The following ALG5 variants were observed in gnomAD, a reference collection of about 807,000 sequenced individuals.
ALG5 encodes the protein ALG5 dolichyl-phosphate beta-glucosyltransferase.
ALG5 carries 26 observed loss-of-function variants against 51.8 expected under a neutral mutation model. The observed-to-expected ratio is 0.50, with a 90% CI of 0.37 to 0.70. The LOEUF (loss-of-function observed/expected upper bound fraction) is 0.70. Among genes scored for constraint, ALG5 ranks in the 30% least tolerant of loss-of-function variants. The pLI is 0.00. For synonymous variants in ALG5, 141 were observed against 136.1 expected (o/e 1.04, Z -0.25); for missense variants, 311 against 399.3 (o/e 0.78, Z 1.88).
chr13:36,998,048 A>G (rs2059059660), intron 1 of ALG5, among the ~76,000 whole-genome samples: 1 of 152,220 alleles, frequency 6.6e-6, no homozygotes, highest in Admixed American at 6.5e-5. Context: ...AACATATAGT[A>G]AGTACTACAA....
intron 1 of ALG5, chr13:36,998,928 G>A (rs2059067438): frequency 6.8e-6 from 2 of 296,120 alleles, no homozygotes; most frequent in South Asian, 9.9e-5. Context: ...GAGGAGGTGG[G>A]TAGGGGGCGC....
chr13:36,965,630 A>G lies in ALG5; in HGVS notation c.718T>C (p.Leu240=), dbSNP rs199868671. ...CGTGAAGCTGCTTCTCGAGTAAATA[A>G]TTTGAACCCACACTGTGTGTCCCTG... The part of the protein sequence containing the change: ...GIRDTQCGFK[L]FTREAASRTF... Residue 240 remains leucine, a synonymous_variant, in exon 8 of 10, where the codon TTA becomes CTA. Coordinates refer to ENST00000239891, the MANE Select transcript of ALG5 (RefSeq NM_013338.5). 2.7e-5 allele frequency: 44 copies of G among 1,614,136 alleles called. No homozygotes were observed. The East Asian group carries it at 9.6e-4, about 35-fold the overall frequency.
intron 8 of ALG5, among the ~76,000 whole-genome samples, chr13:36,953,944 C>T (rs1478373193): frequency 6.6e-6 from 1 of 151,846 alleles, no homozygotes; most frequent in African/African-American, 2.4e-5. Flanking sequence ...TACTTGATAA[C>T]CTGAAAAAGA....
chr13:36,979,206 T>C (rs2058967789), intron 6 of ALG5, among the ~76,000 whole-genome samples: 1 of 151,992 alleles, frequency 6.6e-6, no homozygotes, highest in Non-Finnish European at 1.5e-5. Flanking sequence ...TTAGTAGAGA[T>C]GGGGTTTTAC....
At chr13:36,969,421 A>T (rs1014548156) in intron 7 of ALG5, among the ~76,000 whole-genome samples, 15 of 147,368 alleles carry the variant, frequency 1.0e-4, no homozygotes, top group Admixed American at 6.1e-4. Context: ...AATATATTTT[A>T]AAAAAAAAAA....
At chr13:36,996,995 G>A (rs180712499) in intron 1 of ALG5, among the ~76,000 whole-genome samples, 178 of 152,288 alleles carry the variant, frequency 1.2e-3, no homozygotes, top group African/African-American at 4.1e-3. Flanking sequence ...GAGAAAGGAA[G>A]AAGCATCACT....
chr13:36,950,230 T>TA (rs1423706697), intron 9 of ALG5, among the ~76,000 whole-genome samples, 173 bp from the exon 10 acceptor site: 3 of 152,246 alleles, frequency 2.0e-5, no homozygotes, highest in Admixed American at 2.0e-4. Context: ...TGGTTTTCTC[T>TA]AAAAACAAAA....
At chr13:36,996,645 A>C (rs1593689593) in intron 1 of ALG5, among the ~76,000 whole-genome samples, 1 of 152,224 alleles carries the variant, frequency 6.6e-6, no homozygotes, top group African/African-American at 2.4e-5. Context: ...ATGATACTAA[A>C]GACAAAAACT....
intron 8 of ALG5, among the ~76,000 whole-genome samples, chr13:36,958,080 G>A (rs1041071162): frequency 6.6e-6 from 1 of 152,084 alleles, no homozygotes; most frequent in Non-Finnish European, 1.5e-5. Flanking sequence ...ATCTGTGCCT[G>A]CTCTTTAAGC....
At chr13:36,979,296 G>A (rs540716171) in intron 6 of ALG5, among the ~76,000 whole-genome samples, 22 of 152,236 alleles carry the variant, frequency 1.4e-4, no homozygotes, top group African/African-American at 5.3e-4. Context: ...CACTGTGCCC[G>A]GCCACATTTC....
chr13:36,973,363 A>C (rs920953649), intron 6 of ALG5, among the ~76,000 whole-genome samples: 1 of 152,198 alleles, frequency 6.6e-6, no homozygotes. Flanking sequence ...GAATATGATA[A>C]AGATGACCTT....
At chr13:36,953,085 G>A (rs2058825268) in intron 8 of ALG5, among the ~76,000 whole-genome samples, 1 of 152,088 alleles carries the variant, frequency 6.6e-6, no homozygotes, top group Non-Finnish European at 1.5e-5. Context: ...TTCTAATAGT[G>A]TCCCCAGGGC....
rs773248756 is a variant in ALG5, at chr13:36,950,046, C to G, written c.871G>C (p.Val291Leu). The stretch of plus-strand genomic sequence containing the variant: ...ATTTGTAGCCAGCTCCAGAATGGAA[C>G]TAATTTAGAACCTGTGATTTAAAAA... Reference protein sequence around the residue: ...NWTEIEGSKLVPFWSWLQMGK... With the variant: ...NWTEIEGSKLLPFWSWLQMGK... The change falls in exon 10 of 10, where the codon GTT becomes CTT. Residue 291 changes from valine (V) to leucine (L), a missense_variant. By Grantham distance (32) the Val-to-Leu change is conservative. Coordinates refer to ENST00000239891, the MANE Select transcript of ALG5 (RefSeq NM_013338.5). The G allele has an allele frequency of 4.4e-6, 7 of 1,597,698 alleles. No homozygotes were observed. Among genetic ancestry groups the G allele is most frequent in the Non-Finnish European group, 6.0e-6 (7 of 1,169,678 alleles).
intron 8 of ALG5, among the ~76,000 whole-genome samples, chr13:36,960,253 C>T (rs1297776787): frequency 6.6e-6 from 1 of 152,060 alleles, no homozygotes; most frequent in Non-Finnish European, 1.5e-5. Context: ...TTCTTAGCAT[C>T]GATTTCCTCT....
chr13:36,990,391 A>G (rs1428828957), intron 4 of ALG5, among the ~76,000 whole-genome samples: 1 of 152,156 alleles, frequency 6.6e-6, no homozygotes. Context: ...AGTTGCTCTC[A>G]TCTGGCCTTT....
chr13:36,994,875 C>G, intron 3 of ALG5, 114 bp downstream of exon 3: 1 of 849,646 alleles, frequency 1.2e-6, no homozygotes, highest in Non-Finnish European at 1.9e-6. Context: ...GGTGGCCCAG[C>G]GATCGGGGTG....
At chr13:36,995,650 T>C in intron 1 of ALG5, 54 bp from the exon 2 acceptor site, 1 of 1,513,886 alleles carries the variant, frequency 6.6e-7, no homozygotes, top group South Asian at 1.2e-5. Context: ...TTTGCTGACT[T>C]TTCTGTATTT....
At chr13:36,974,474 T>C (rs1008076139) in intron 6 of ALG5, among the ~76,000 whole-genome samples, 5 of 152,232 alleles carry the variant, frequency 3.3e-5, no homozygotes, top group Non-Finnish European at 7.3e-5. Context: ...ACTGTGTATA[T>C]TTCTTTGTAT....
intron 7 of ALG5, chr13:36,967,680 GTAGA>G (rs2058901387): frequency 2.0e-6 from 1 of 490,116 alleles, no homozygotes; most frequent in Non-Finnish European, 3.8e-6. Context: ...ACCTCTCTAA[GTAGA>G]TAGGGCAGAA....
Sources: allele counts gnomAD v4.1 joint callset (sites outside exome capture counted in the v4.1 genomes callset), GRCh38; gene constraint gnomAD v4.1.1; transcripts MANE v1.5; gene names NCBI Gene and HGNC (gene_info 2026-07-23, HGNC 2026-07-21).